GRIK1: variants seen among roughly 807,000 people sequenced by gnomAD.
GRIK1 encodes the protein glutamate receptor ionotropic, kainate 1.
A neutral mutation model predicts 105.7 loss-of-function variants in GRIK1; 69 were observed. The observed-to-expected ratio is 0.65, with a 90% CI of 0.54 to 0.80. GRIK1 has a LOEUF of 0.80. Ranked by LOEUF, GRIK1 falls within the 30% of genes least tolerant of loss-of-function variation. The pLI is 0.00. For synonymous variants in GRIK1, 438 were observed against 431.3 expected, an observed-to-expected ratio of 1.02 and a Z score of -0.19; for missense variants, 1,109 against 1,167.3, an observed-to-expected ratio of 0.95 and a Z score of 0.73.
intron 1 of GRIK1, among the ~76,000 whole-genome samples, chr21:29,782,141 C>A (rs1040014862): frequency 6.7e-6 from 1 of 148,216 alleles, no homozygotes; most frequent in Non-Finnish European, 1.5e-5. Context: ...GGCTGGAGTG[C>A]AGTGGCGCGA....
chr21:29,670,477 C>G (rs575638841), intron 4 of GRIK1, among the ~76,000 whole-genome samples: 1 of 152,348 alleles, frequency 6.6e-6, no homozygotes, highest in African/African-American at 2.4e-5. Context: ...ATCAAAGGAA[C>G]TTCAAGTCCA....
intron 16 of GRIK1, among the ~76,000 whole-genome samples, chr21:29,549,197 C>T (rs1001343512): frequency 1.3e-5 from 2 of 152,182 alleles, no homozygotes; most frequent in African/African-American, 4.8e-5. Context: ...GTATAATCCA[C>T]AGACAATCTG....
chr21:29,854,164 G>A (rs1441444243), intron 1 of GRIK1, among the ~76,000 whole-genome samples: 3 of 152,168 alleles, frequency 2.0e-5, no homozygotes. Context: ...TGGTAGAAGG[G>A]GAAGGGGAGC....
intron 1 of GRIK1, among the ~76,000 whole-genome samples, chr21:29,731,154 T>C (rs1303282563): frequency 2.6e-5 from 4 of 152,216 alleles, no homozygotes; most frequent in South Asian, 2.1e-4. Context: ...CCTTGTTTGA[T>C]GAGAGGAATG....
chr21:29,830,562 A>G (rs2067603372), intron 1 of GRIK1, among the ~76,000 whole-genome samples: 1 of 152,160 alleles, frequency 6.6e-6, no homozygotes, highest in Non-Finnish European at 1.5e-5. Context: ...CAGGATAGAT[A>G]GAGTGCTTGC....
chr21:29,912,361 C>G (rs375343971), intron 1 of GRIK1, among the ~76,000 whole-genome samples: 11 of 152,148 alleles, frequency 7.2e-5, no homozygotes, highest in African/African-American at 2.4e-4. Flanking sequence ...CCAAGATAAC[C>G]TCTCCTCTGA....
At chr21:29,696,654 T>C (rs2063707336) in intron 1 of GRIK1, among the ~76,000 whole-genome samples, 1 of 152,258 alleles carries the variant, frequency 6.6e-6, no homozygotes, top group Non-Finnish European at 1.5e-5. Context: ...TTTACTTGTC[T>C]GTCTCCTCAG....
At chr21:29,795,280 C>T (rs974220117) in intron 1 of GRIK1, among the ~76,000 whole-genome samples, 2 of 152,058 alleles carry the variant, frequency 1.3e-5, no homozygotes, top group South Asian at 4.1e-4. Flanking sequence ...AGGTGTTCCG[C>T]CTGCCTTGGC....
At chr21:29,702,730 A>G (rs2063836273) in intron 1 of GRIK1, among the ~76,000 whole-genome samples, 1 of 152,128 alleles carries the variant, frequency 6.6e-6, no homozygotes, top group Non-Finnish European at 1.5e-5. Context: ...ACAAGAAAAC[A>G]AACAAAAACA....
At chr21:29,769,704 G>A (rs998473744) in intron 1 of GRIK1, among the ~76,000 whole-genome samples, 7 of 152,046 alleles carry the variant, frequency 4.6e-5, no homozygotes, top group Non-Finnish European at 8.8e-5. Context: ...TGCCCCTGTG[G>A]GACTGGGGAT....
intron 12 of GRIK1, among the ~76,000 whole-genome samples, chr21:29,586,142 A>T (rs2091126599): frequency 6.6e-6 from 1 of 152,234 alleles, no homozygotes; most frequent in African/African-American, 2.4e-5. Flanking sequence ...TACTGTCAAT[A>T]TTTTATTTTC....
chr21:29,692,009 G>A (rs1198223945), intron 2 of GRIK1, among the ~76,000 whole-genome samples: 1 of 152,188 alleles, frequency 6.6e-6, no homozygotes, highest in East Asian at 1.9e-4. Context: ...TAAAAGGAGA[G>A]TATGGGAGTG....
At chr21:29,581,351 G>T in intron 13 of GRIK1, 74 bp downstream of exon 13, 1 of 856,710 alleles carries the variant, frequency 1.2e-6, no homozygotes, top group Non-Finnish European at 2.0e-6. Context: ...CTAGCTTCAT[G>T]GTGGAGTTTA....
chr21:29,746,411 C>G (rs1340505853), intron 1 of GRIK1, among the ~76,000 whole-genome samples: 2 of 152,224 alleles, frequency 1.3e-5, no homozygotes, highest in African/African-American at 4.8e-5. Flanking sequence ...ATTGCATGAT[C>G]TGATAAGTGA....
intron 4 of GRIK1, among the ~76,000 whole-genome samples, chr21:29,668,878 G>A (rs2063110270): frequency 6.6e-6 from 1 of 152,224 alleles, no homozygotes; most frequent in Non-Finnish European, 1.5e-5. Context: ...ATGAGAGTGA[G>A]GAGGAGCAAT....
intron 1 of GRIK1, among the ~76,000 whole-genome samples, chr21:29,907,542 A>G (rs1250733372): frequency 6.6e-6 from 1 of 152,144 alleles, no homozygotes; most frequent in Admixed American, 6.6e-5. Flanking sequence ...TGTAAAGAGA[A>G]ATGATTGAGA....
At chr21:29,720,133 A>G (rs183146683) in intron 1 of GRIK1, among the ~76,000 whole-genome samples, 1 of 152,238 alleles carries the variant, frequency 6.6e-6, no homozygotes, top group Non-Finnish European at 1.5e-5. Context: ...TAATAAATAA[A>G]GCCCTTGCCA....
chr21:29,729,188 T>G (rs1375748463), intron 1 of GRIK1, among the ~76,000 whole-genome samples: 1 of 152,192 alleles, frequency 6.6e-6, no homozygotes, highest in Non-Finnish European at 1.5e-5. Context: ...TCCTTTCCAG[T>G]TTCTCTGGCC....
chr21:29,656,491 A>T (rs1033560650), intron 4 of GRIK1, among the ~76,000 whole-genome samples: 2 of 150,250 alleles, frequency 1.3e-5, no homozygotes, highest in African/African-American at 4.9e-5. Flanking sequence ...GGAAGTTTTT[A>T]TATCAAAGAC....
Sources: allele counts gnomAD v4.1 joint callset (sites outside exome capture counted in the v4.1 genomes callset), GRCh38; gene constraint gnomAD v4.1.1; transcripts MANE v1.5; gene names NCBI Gene and HGNC (gene_info 2026-07-23, HGNC 2026-07-21).